CTNNA2: variants seen among roughly 807,000 people sequenced by gnomAD.
CTNNA2 encodes catenin alpha-2.
A neutral mutation model predicts 101.0 loss-of-function variants in CTNNA2; 42 were observed. The ratio of observed to expected loss-of-function variants is 0.42; its 90% CI spans 0.32 to 0.54. The LOEUF (loss-of-function observed/expected upper bound fraction) is 0.54, where lower values mean the gene tolerates loss of function less well. CTNNA2 is among the 20% of genes least tolerant of loss of function. CTNNA2 has a pLI of 0.14. For missense variants in CTNNA2, 871 were observed against 1,223.1 expected (o/e 0.71, Z 4.29); for synonymous variants, 450 against 456.4 (o/e 0.99, Z 0.18).
chr2:79,460,260 C>G (rs1359797332), intron 4 of CTNNA2, among the ~76,000 whole-genome samples: 1 of 151,954 alleles, frequency 6.6e-6, no homozygotes, highest in East Asian at 1.9e-4. Flanking sequence ...ACATATACAC[C>G]ATGAAATAAT....
rs112549169 is a variant in CTNNA2, at chr2:79,446,821, C to CA, written c.-134-58224dup. On this transcript the variant is annotated intron_variant, in intron 4 of 21. Coordinates refer to the CTNNA2 transcript ENST00000466387. ...GACCAATTAATGCTGATGTTTATGCCAAAAAAAAATCCAGATTTGTCCTAT... is the reference window on the plus strand; with the variant it reads ...GACCAATTAATGCTGATGTTTATGCCAAAAAAAAAATCCAGATTTGTCCTAT... Among the ~76,000 whole-genome samples, 529 of 150,544 alleles carry CA rather than the reference C, an allele frequency of 3.5e-3. 2 individuals are homozygous for CA. The highest frequency in any genetic ancestry group is 6.5e-3 in the Admixed American group (98 of 15,062).
intron 9 of CTNNA2, among the ~76,000 whole-genome samples, chr2:80,424,662 C>G (rs887611943): frequency 1.4e-4 from 21 of 152,164 alleles, no homozygotes; most frequent in African/African-American, 5.1e-4. Flanking sequence ...CTTCTTTCAC[C>G]ACAGTCCTGA....
At chr2:80,482,959 T>G (rs1686265076) in intron 9 of CTNNA2, among the ~76,000 whole-genome samples, 1 of 152,222 alleles carries the variant, frequency 6.6e-6, no homozygotes, top group Non-Finnish European at 1.5e-5. Context: ...GCCCTGGCTC[T>G]GCTCCTGGAA....
intron 7 of CTNNA2, among the ~76,000 whole-genome samples, chr2:80,271,570 A>C (rs1209516567): frequency 1.3e-5 from 2 of 152,178 alleles, no homozygotes; most frequent in African/African-American, 2.4e-5. Context: ...TACAGGCGCA[A>C]GCCACCACGC....
At chr2:79,891,280 T>A (rs1684285964) in intron 6 of CTNNA2, among the ~76,000 whole-genome samples, 1 of 152,178 alleles carries the variant, frequency 6.6e-6, no homozygotes, top group Non-Finnish European at 1.5e-5. Flanking sequence ...AATCGTGTTT[T>A]ATTTTAAAGC....
rs559914694 is a variant in CTNNA2 at position 80,378,705 on chromosome 2, A to G, written c.1057-14506A>G. ...TCAGCTTATTCTGAGTGAACAGAGA[A>G]GCTTCAAGCACCCACCTTTAGCCCT... On this transcript the variant is annotated intron_variant, in intron 7 of 18. Coordinates refer to ENST00000402739, the MANE Select transcript of CTNNA2 (RefSeq NM_001282597.3). 3 of 152,286 alleles carry G rather than the reference A, an allele frequency of 2.0e-5. No homozygotes were observed. In the South Asian group the frequency reaches 6.2e-4, roughly 32 times the overall value. 9.4% of individuals were successfully genotyped at this position (152,286 alleles called of 1,614,324 possible).
rs538037214 is a variant in CTNNA2, at chr2:79,332,177, G to A, written c.-318+19381G>A. Reference sequence around the variant, plus strand: ...TTATTAAAATAACCCAAAGGCTTGTGAATAAAAGACAAATATATTGCAAGG... The same window carrying A: ...TTATTAAAATAACCCAAAGGCTTGTAAATAAAAGACAAATATATTGCAAGG... On this transcript the variant is annotated intron_variant, in intron 3 of 21. Coordinates refer to the CTNNA2 transcript ENST00000466387. Among the ~76,000 whole-genome samples the A allele has an allele frequency of 3.3e-5, 5 of 151,882 alleles. No individual in the cohort carries two copies. In the East Asian group the frequency reaches 9.7e-4, roughly 29 times the overall value.
chr2:80,047,339 G>A (rs571454269), intron 7 of CTNNA2, among the ~76,000 whole-genome samples: 70 of 152,294 alleles, frequency 4.6e-4, no homozygotes, highest in African/African-American at 1.4e-3. Context: ...AGAGGCTACC[G>A]TATGGGACAG....
chr2:79,371,408 A>C (rs1677868638), intron 3 of CTNNA2, among the ~76,000 whole-genome samples: 1 of 152,028 alleles, frequency 6.6e-6, no homozygotes, highest in South Asian at 2.1e-4. Flanking sequence ...AGACAGAGGG[A>C]AAAGACTCAC....
intron 3 of CTNNA2, among the ~76,000 whole-genome samples, chr2:79,764,165 A>G (rs1294695890): frequency 6.6e-6 from 1 of 152,344 alleles, no homozygotes; most frequent in Non-Finnish European, 1.5e-5. Context: ...AGTGTTAAAA[A>G]TTGGAGCAGA....
intron 3 of CTNNA2, among the ~76,000 whole-genome samples, chr2:79,373,569 A>G (rs1455163344): frequency 1.3e-5 from 2 of 152,152 alleles, no homozygotes; most frequent in Non-Finnish European, 2.9e-5. Context: ...AAGGGACTAC[A>G]AACAGGGATA....
intron 7 of CTNNA2, among the ~76,000 whole-genome samples, chr2:79,990,530 G>T (rs1028868570): frequency 6.6e-6 from 1 of 152,068 alleles, no homozygotes; most frequent in Non-Finnish European, 1.5e-5. Flanking sequence ...GTGATGTTTG[G>T]CAAATAAACC....
rs186932088 is a variant in CTNNA2 at position 80,008,851 on chromosome 2, G to A, written c.1056+99054G>A. The stretch of plus-strand genomic sequence containing the variant: ...CACCTCTCAGTAACTGGCCTCTGTG[G>A]GTATTTTAATCAGTCCCTTATTTAG... On this transcript the variant is annotated intron_variant, in intron 7 of 18. Transcript: ENST00000402739. 3.9e-3 allele frequency among the ~76,000 whole-genome samples: 601 copies of A among 152,266 alleles called. 2 individuals are homozygous for A. Among genetic ancestry groups the A allele is most frequent in the Non-Finnish European group, 5.9e-3 (399 of 68,012 alleles).
At chr2:80,476,745 G>T (rs1185477385) in intron 9 of CTNNA2, among the ~76,000 whole-genome samples, 1 of 152,056 alleles carries the variant, frequency 6.6e-6, no homozygotes, top group African/African-American at 2.4e-5. Context: ...CAGTCTCTTT[G>T]GGAATGAAGG....
intron 11 of CTNNA2, among the ~76,000 whole-genome samples, chr2:80,554,757 G>A (rs1268370587): frequency 6.6e-6 from 1 of 152,112 alleles, no homozygotes; most frequent in East Asian, 1.9e-4. Flanking sequence ...TTATTAGTTG[G>A]TGTGTGTGCA....
At chr2:79,432,556 TA>T (rs1399165109) in intron 4 of CTNNA2, among the ~76,000 whole-genome samples, 1 of 152,210 alleles carries the variant, frequency 6.6e-6, no homozygotes, top group Non-Finnish European at 1.5e-5. Context: ...CCTAGAGCCT[TA>T]AAGAAAGTAC....
chr2:80,512,571 G>A (rs982538506), intron 9 of CTNNA2, among the ~76,000 whole-genome samples: 14 of 152,098 alleles, frequency 9.2e-5, no homozygotes, highest in East Asian at 3.9e-4. Context: ...TCAGGTTAAC[G>A]TTTAAAATTG....
Position 79,241,265 on chromosome 2 carries a change from C to A in CTNNA2, c.-406+43189C>A, listed in dbSNP as rs1384615892. Among the ~76,000 whole-genome samples, 5 of 152,028 alleles carry A rather than the reference C, an allele frequency of 3.3e-5. No individual in the cohort carries two copies. The East Asian group carries it at 9.6e-4, about 29-fold the overall frequency. On this transcript the variant is annotated intron_variant, in intron 2 of 21. Coordinates refer to the CTNNA2 transcript ENST00000466387. ...TAGTCCTGAAACAAATACTAATAAA[C>A]CTCATATGGCAATTGAAGAAATAAA...
chr2:79,211,512 A>C (rs888143677), intron 2 of CTNNA2, among the ~76,000 whole-genome samples: 1 of 152,136 alleles, frequency 6.6e-6, no homozygotes, highest in African/African-American at 2.4e-5. Context: ...AATTACAGTC[A>C]AAGGGGGGTT....
Sources: allele counts gnomAD v4.1 joint callset (sites outside exome capture counted in the v4.1 genomes callset), GRCh38; gene constraint gnomAD v4.1.1; transcripts MANE v1.5; gene names NCBI Gene and HGNC (gene_info 2026-07-23, HGNC 2026-07-21).